The following RB1 variants were observed in gnomAD, a reference collection of about 807,000 sequenced individuals.
RB1 encodes the protein RB transcriptional corepressor 1.
Under a neutral mutation model 135.4 loss-of-function variants are expected in RB1, and 18 were observed. That is an observed-to-expected ratio of 0.13 (90% CI 0.09 to 0.20). The LOEUF is 0.20. Ranked by LOEUF, RB1 falls within the 10% of genes least tolerant of loss-of-function variation. The pLI is 1.00. For synonymous variants in RB1, 365 were observed against 373.2 expected, an observed-to-expected ratio of 0.98 and a Z score of 0.25; for missense variants, 868 against 1,110.0, an observed-to-expected ratio of 0.78 and a Z score of 3.10.
chr13:48,396,005 A>G (rs1463272597), intron 17 of RB1, among the ~76,000 whole-genome samples: 3 of 152,212 alleles, frequency 2.0e-5, no homozygotes, highest in Non-Finnish European at 4.4e-5. Flanking sequence ...AGAGGGCACA[A>G]ACAAATGGCA....
At chr13:48,417,838 A>G (rs1230138198) in intron 17 of RB1, among the ~76,000 whole-genome samples, 1 of 152,228 alleles carries the variant, frequency 6.6e-6, no homozygotes, top group African/African-American at 2.4e-5. Flanking sequence ...AAAAAGAATG[A>G]AAAGAAACGA....
chr13:48,449,110 T>G (rs957845381), intron 17 of RB1, among the ~76,000 whole-genome samples: 5 of 146,096 alleles, frequency 3.4e-5, no homozygotes, highest in Non-Finnish European at 5.9e-5. Context: ...GTAATCGCCG[T>G]TTTTTTTTCT....
intron 2 of RB1, among the ~76,000 whole-genome samples, chr13:48,336,565 T>G (rs1952387409): frequency 6.6e-6 from 1 of 152,064 alleles, no homozygotes. Flanking sequence ...ATCTATTTGA[T>G]TCTTCTCTCT....
Position 48,415,258 on chromosome 13 carries a change from T to C in RB1, c.1695+33815T>C, listed in dbSNP as rs545917826. ...GTTATTCACTTAAGTCATTCATCTATAGTTTTTTCTTTTCTTTTCTTTTTC... is the reference window on the plus strand; with the variant it reads ...GTTATTCACTTAAGTCATTCATCTACAGTTTTTTCTTTTCTTTTCTTTTTC... On this transcript the variant is annotated intron_variant, in intron 17 of 26. Coordinates refer to ENST00000267163, the MANE Select transcript of RB1 (RefSeq NM_000321.3). Among the ~76,000 whole-genome samples, 4 of 152,104 alleles carry C rather than the reference T, an allele frequency of 2.6e-5. No individual in the cohort carries two copies. In the South Asian group the frequency reaches 8.3e-4, roughly 32 times the overall value.
chr13:48,463,822 A>T lies in RB1; in HGVS notation c.2198A>T (p.His733Leu), dbSNP rs778503152. 32 of 1,599,688 alleles carry T rather than the reference A, an allele frequency of 2.0e-5. No homozygotes were observed. The highest frequency in any genetic ancestry group is 2.7e-5 in the Non-Finnish European group (32 of 1,167,212). ...GTAACAGCATACAAGGATCTTCCTCATGCTGTTCAGGAGGTAGGTAATTTT... is the reference window on the plus strand; with the variant it reads ...GTAACAGCATACAAGGATCTTCCTCTTGCTGTTCAGGAGGTAGGTAATTTT... ...IIVTAYKDLP[H>L]AVQETFKRVL... Residue 733 changes from histidine (H) to leucine (L), a missense_variant, in exon 21 of 27, where the codon CAT becomes CTT. His to Leu is a moderately conservative substitution (Grantham distance 99, BLOSUM62 -3). This residue lies in a region of RB1 where 196 missense variants were observed against 239.8 expected (regional missense o/e 0.82). Transcript: ENST00000267163.
chr13:48,380,125 T>C (rs2138142523), intron 15 of RB1, 40 bp from the exon 16 acceptor site: 1 of 1,470,046 alleles, frequency 6.8e-7, no homozygotes, highest in Non-Finnish European at 9.1e-7. Context: ...TTTCTTTTTA[T>C]AGAAGTAAGT....
At chr13:48,426,549 CCT>C (rs1286721083) in intron 17 of RB1, 1 of 152,212 alleles carries the variant, frequency 6.6e-6, no homozygotes, top group Non-Finnish European at 1.5e-5. Flanking sequence ...AGCACTGGAT[CCT>C]AGAAATTCAG....
Position 48,319,077 on chromosome 13 carries a change from A to G in RB1, c.264+11671A>G. 1 of 614,860 alleles carries G rather than the reference A, an allele frequency of 1.6e-6. No homozygotes were observed. The highest frequency in any genetic ancestry group is 3.7e-5 in the East Asian group (1 of 27,262). The allele number at this position is 614,860 out of a possible 1,614,324, so 38.1% of individuals were successfully genotyped here. On this transcript the variant is annotated intron_variant, in intron 2 of 26. Transcript: ENST00000267163. This position sits in a 1 kb window ranked among gnomAD's most constrained non-coding sequence, Gnocchi z 5.0. Reference sequence around the variant, plus strand: ...GCGGACGTGTCTGCCTGGCACGAGGACCGTTCTACAAACTCGTTCCTGGAA... The same window carrying G: ...GCGGACGTGTCTGCCTGGCACGAGGGCCGTTCTACAAACTCGTTCCTGGAA...
intron 17 of RB1, among the ~76,000 whole-genome samples, chr13:48,433,044 T>C (rs1032709190): frequency 2.0e-5 from 3 of 152,162 alleles, no homozygotes; most frequent in African/African-American, 7.2e-5. Flanking sequence ...TACTGTGTCT[T>C]ATAAACTCTG....
In RB1 at chr13:48,411,436, G is replaced by T. The variant is rs200554714; in HGVS notation, c.1695+29993G>T. On this transcript the variant is annotated intron_variant, in intron 17 of 26. Transcript: ENST00000267163. ...AATATCTTACTTTTTAAGGTCTGTA[G>T]GTTATGCTGAATAAAATTCTCTGCA... 2.4e-5 allele frequency: 38 copies of T among 1,613,166 alleles called. No individual in the cohort carries two copies. The East Asian group carries it at 8.3e-4, about 35-fold the overall frequency.
In RB1 at chr13:48,459,683, C is replaced by T. The variant is rs2138335762; in HGVS notation, c.1961-5C>T. The stretch of plus-strand genomic sequence containing the variant: ...AAAAATGACTAATTTTTCTTATTCC[C>T]ACAGTGTATCGGCTAGCCTATCTCC... On this transcript the variant is annotated splice_region_variant and splice_polypyrimidine_tract_variant and intron_variant, in intron 19 of 26. Coordinates refer to ENST00000267163, the MANE Select transcript of RB1 (RefSeq NM_000321.3). 6.2e-7 allele frequency: 1 copy of T among 1,613,974 alleles called. No individual in the cohort carries two copies. The highest frequency in any genetic ancestry group is 8.5e-7 in the Non-Finnish European group (1 of 1,179,946).
intron 17 of RB1, among the ~76,000 whole-genome samples, chr13:48,404,536 G>T (rs1021877286): frequency 2.0e-5 from 3 of 149,886 alleles, no homozygotes; most frequent in Admixed American, 6.7e-5. Flanking sequence ...GATACTTTTT[G>T]TTTTTTTTTA....
At chr13:48,466,383 A>G (rs1949444623) in intron 23 of RB1, among the ~76,000 whole-genome samples, 1 of 87,284 alleles carries the variant, frequency 1.1e-5, no homozygotes, top group African/African-American at 3.7e-5. Context: ...ACCAGAAAGG[A>G]CATCTACACC....
rs910365974 is a variant in RB1 at position 48,377,809 on chromosome 13, T to A, written c.1332+775T>A. Among the ~76,000 whole-genome samples, 4 of 152,326 alleles carry A rather than the reference T, an allele frequency of 2.6e-5. No individual in the cohort carries two copies. The South Asian group carries it at 6.2e-4, about 24-fold the overall frequency. On this transcript the variant is annotated intron_variant, in intron 13 of 26. Transcript: ENST00000267163. ...TAGAGTGTGTCTGTACAAACCTAGATGGTATAGCCGATTGTACATCTAAGC... is the reference window on the plus strand; with the variant it reads ...TAGAGTGTGTCTGTACAAACCTAGAAGGTATAGCCGATTGTACATCTAAGC...
chr13:48,374,817 A>T (rs1009988045), intron 12 of RB1, among the ~76,000 whole-genome samples: 1 of 151,942 alleles, frequency 6.6e-6, no homozygotes, highest in African/African-American at 2.4e-5. Context: ...AAACTATATG[A>T]TCTTTTTTTA....
chr13:48,425,991 G>A (rs1317037371), intron 17 of RB1, among the ~76,000 whole-genome samples: 1 of 152,160 alleles, frequency 6.6e-6, no homozygotes, highest in African/African-American at 2.4e-5. Context: ...ACCCAACCCA[G>A]TTCCTTATAC....
In RB1 at chr13:48,328,244, C is replaced by A. The variant is rs1477801296; in HGVS notation, c.265-14355C>A. 4 of 1,468,752 alleles carry A rather than the reference C, an allele frequency of 2.7e-6. No homozygotes were observed. The African/African-American group carries it at 5.6e-5, about 20-fold the overall frequency. The allele number at this position is 1,468,752 out of a possible 1,614,324, so 91.0% of individuals were successfully genotyped here. ...TCATCCTCATCTTTGCTTCTGGAGGCCTTTCCTCTGATTCACTATCTTCAT... is the reference window on the plus strand; with the variant it reads ...TCATCCTCATCTTTGCTTCTGGAGGACTTTCCTCTGATTCACTATCTTCAT... On this transcript the variant is annotated intron_variant, in intron 2 of 26. Transcript: ENST00000267163.
rs2138335971 is a variant in RB1 at position 48,459,720 on chromosome 13, C to T, written c.1993C>T (p.Leu665Phe). 6.2e-7 allele frequency: 1 copy of T among 1,614,042 alleles called. No individual in the cohort carries two copies. The highest frequency in any genetic ancestry group is 1.1e-5 in the South Asian group (1 of 91,082). ...YRLAYLRLNT[L>F]CERLLSEHPE... is the part of the protein sequence containing the mutation. ...GCTAGCCTATCTCCGGCTAAATACA[C>T]TTTGTGAACGCCTTCTGTCTGAGCA... Residue 665 changes from leucine (L) to phenylalanine (F), a missense_variant, in exon 20 of 27, where the codon CTT becomes TTT. By Grantham distance (22) the Leu-to-Phe change is conservative. Transcript: ENST00000267163.
chr13:48,353,509 A>C (rs781294216), intron 6 of RB1, among the ~76,000 whole-genome samples: 2 of 152,272 alleles, frequency 1.3e-5, no homozygotes, highest in East Asian at 3.9e-4. Flanking sequence ...AATTGTACCA[A>C]ACATTTAAAG....
Sources: gnomAD v4.1 joint callset for allele counts (sites outside exome capture counted in the v4.1 genomes callset) on GRCh38, gnomAD v4.1.1 for gene constraint, gnomAD v4.1.1 regional missense constraint, Gnocchi (gnomAD v3.1) non-coding constraint, MANE v1.5 for transcripts, NCBI Gene and HGNC (gene_info 2026-07-23, HGNC 2026-07-21) for gene names.